The following DGLUCY variants were observed in gnomAD, a reference collection of about 807,000 sequenced individuals.
DGLUCY encodes D-glutamate cyclase, mitochondrial.
Under a neutral mutation model 58.5 loss-of-function variants are expected in DGLUCY, and 58 were observed. The observed-to-expected ratio is 0.99, with a 90% CI of 0.80 to 1.23. DGLUCY has a LOEUF of 1.23. Ranked by LOEUF, DGLUCY falls within the 50% of genes most tolerant of loss-of-function variation. The pLI, the probability that DGLUCY is intolerant of heterozygous loss-of-function variation, is 0.00. For missense variants in DGLUCY, 779 were observed against 784.7 expected, an observed-to-expected ratio of 0.99 and a Z score of 0.09; for synonymous variants, 325 against 314.1, an observed-to-expected ratio of 1.03 and a Z score of -0.37.
chr14:91,096,859 T>G (rs1360416780), intron 1 of DGLUCY, among the ~76,000 whole-genome samples: 2 of 152,110 alleles, frequency 1.3e-5, no homozygotes, highest in African/African-American at 4.8e-5. Context: ...CAAGAGGCAA[T>G]TTTACTGAGC....
At position 91,196,447 on chromosome 14, in the gene DGLUCY, G is replaced by C. The variant is rs375027427; in HGVS notation, c.1268G>C (p.Cys423Ser). Residue 423 changes from cysteine (C) to serine (S), a missense_variant, in exon 10 of 14, where the codon TGC becomes TCC. Physicochemically the swap from Cys to Ser is moderately radical, Grantham distance 112. Transcript: ENST00000256324. ...GTGGAAGCTGCTCAGGCATTCCTGT[G>C]CAAAAATGGGGACCCGCAGACACCT... ...GSVEAAQAFLCKNGDPQTPRF... is the reference protein window; with the variant it reads ...GSVEAAQAFLSKNGDPQTPRF... 1 of 1,614,094 alleles carries C rather than the reference G, an allele frequency of 6.2e-7. No homozygotes were observed. The highest frequency in any genetic ancestry group is 1.1e-5 in the South Asian group (1 of 91,072).
intron 1 of DGLUCY, among the ~76,000 whole-genome samples, chr14:91,130,285 A>AGT (rs768715950): frequency 2.9e-4 from 44 of 151,456 alleles, no homozygotes; most frequent in South Asian, 1.0e-3. Flanking sequence ...TTACTCTTGA[A>AGT]GTGAAGAATC....
At chr14:91,203,335 C>T (rs113484543) in intron 11 of DGLUCY, among the ~76,000 whole-genome samples, 1 of 152,162 alleles carries the variant, frequency 6.6e-6, no homozygotes, top group South Asian at 2.1e-4. Flanking sequence ...AAATTCACTC[C>T]CTGATGTTTG....
chr14:91,081,001 G>A (rs879410856), intron 1 of DGLUCY, among the ~76,000 whole-genome samples: 5 of 152,094 alleles, frequency 3.3e-5, no homozygotes, highest in Admixed American at 1.3e-4. Context: ...TCAGGAGTTC[G>A]AGACCACCTG....
chr14:91,220,502 C>T (rs970951292), intron 13 of DGLUCY: 1 of 456,228 alleles, frequency 2.2e-6, no homozygotes, highest in African/African-American at 2.0e-5. Flanking sequence ...CAGCAGGTGG[C>T]CTATGCCAAG....
intron 1 of DGLUCY, among the ~76,000 whole-genome samples, chr14:91,090,068 A>C (rs889928046): frequency 6.6e-6 from 1 of 152,108 alleles, no homozygotes; most frequent in Non-Finnish European, 1.5e-5. Context: ...GAAGGAGGAA[A>C]CATCTGACTG....
intron 1 of DGLUCY, among the ~76,000 whole-genome samples, chr14:91,131,460 G>A (rs1351668673): frequency 6.6e-6 from 1 of 151,520 alleles, no homozygotes; most frequent in Non-Finnish European, 1.5e-5. Context: ...TTGGTTATAA[G>A]CCTAACGTCT....
intron 1 of DGLUCY, among the ~76,000 whole-genome samples, chr14:91,062,592 TATATATATATATATATATA>T (rs1180472911): frequency 0.027 from 728 of 26,700 alleles, 86 homozygotes; most frequent in South Asian, 0.043. Flanking sequence ...TATATATATA[TATATATATATATATATATA>T]AACAATCCTT....
intron 12 of DGLUCY, among the ~76,000 whole-genome samples, chr14:91,205,356 G>A (rs181273045): frequency 6.6e-6 from 1 of 152,092 alleles, no homozygotes; most frequent in Non-Finnish European, 1.5e-5. Context: ...CCCTACTGTT[G>A]CTCCTCTCCC....
At chr14:91,139,165 G>A (rs1021512824) in intron 1 of DGLUCY, among the ~76,000 whole-genome samples, 1 of 152,150 alleles carries the variant, frequency 6.6e-6, no homozygotes, top group Non-Finnish European at 1.5e-5. Flanking sequence ...CCAAAGGCCT[G>A]AGGACCAGGA....
chr14:91,184,063 T>C (rs1031614363), intron 8 of DGLUCY, among the ~76,000 whole-genome samples: 2 of 151,810 alleles, frequency 1.3e-5, no homozygotes, highest in Non-Finnish European at 2.9e-5. Context: ...TCTAGGTAGC[T>C]ACCTGCATCA....
At chr14:91,123,244 A>C in intron 1 of DGLUCY, among the ~76,000 whole-genome samples, 1 of 152,352 alleles carries the variant, frequency 6.6e-6, no homozygotes, top group Admixed American at 6.5e-5. Flanking sequence ...ACGAACACAC[A>C]ACAGAACATT....
At chr14:91,139,504 G>A (rs941749746) in intron 1 of DGLUCY, among the ~76,000 whole-genome samples, 2 of 152,160 alleles carry the variant, frequency 1.3e-5, no homozygotes, top group Non-Finnish European at 2.9e-5. Flanking sequence ...GGCCAACATG[G>A]TGAAACCCCG....
chr14:91,203,951 A>G (rs2050725859), intron 11 of DGLUCY, among the ~76,000 whole-genome samples: 1 of 152,246 alleles, frequency 6.6e-6, no homozygotes, highest in Admixed American at 6.5e-5. Context: ...TGCTGGGATT[A>G]CAGGCATGAG....
chr14:91,135,934 T>G (rs1367231651), intron 1 of DGLUCY, among the ~76,000 whole-genome samples: 2 of 126,788 alleles, frequency 1.6e-5, no homozygotes, highest in African/African-American at 6.8e-5. Context: ...AGCTTTTTTT[T>G]TTTTTTTTTT....
At chr14:91,110,197 CAAT>C (rs1382098780), upstream of DGLUCY, among the ~76,000 whole-genome samples, 2 of 152,220 alleles carry the variant, frequency 1.3e-5, no homozygotes, top group Admixed American at 1.3e-4. Flanking sequence ...TCTTCCTGAG[CAAT>C]TTTGCCTGGA....
chr14:91,084,912 T>G (rs552325959), intron 1 of DGLUCY, among the ~76,000 whole-genome samples: 1 of 152,064 alleles, frequency 6.6e-6, no homozygotes, highest in South Asian at 2.1e-4. Flanking sequence ...GGGAGGGTGG[T>G]GGTGGTGTGA....
chr14:91,085,182 A>G (rs1474494871), intron 1 of DGLUCY, among the ~76,000 whole-genome samples: 1 of 149,770 alleles, frequency 6.7e-6, no homozygotes, highest in East Asian at 2.0e-4. Flanking sequence ...TGTTCACACC[A>G]CTGTACTCTA....
Position 91,074,160 on chromosome 14 carries a change from C to T in DGLUCY, c.-82+13456C>T, listed in dbSNP as rs186621709. The stretch of plus-strand genomic sequence containing the variant: ...ACACACACACACACACACACACACA[C>T]AGTCAAGCACCTGTATTCCCAGCTA... On this transcript the variant is annotated intron_variant, in intron 1 of 4. Transcript: ENST00000521334. Among the ~76,000 whole-genome samples the T allele has an allele frequency of 6.3e-3, 857 of 135,828 alleles. 5 individuals are homozygous for T. The highest frequency in any genetic ancestry group is 0.015 in the African/African-American group (516 of 33,608). 89.1% of individuals were successfully genotyped at this position (135,828 alleles called of 152,430 possible).
Sources: gnomAD v4.1 joint callset for allele counts (sites outside exome capture counted in the v4.1 genomes callset) on GRCh38, gnomAD v4.1.1 for gene constraint, MANE v1.5 for transcripts, NCBI Gene and HGNC (gene_info 2026-07-23, HGNC 2026-07-21) for gene names.